The following TMC1 variants were observed in gnomAD, a reference collection of about 807,000 sequenced individuals.
The protein encoded by TMC1 is transmembrane channel-like protein 1.
In TMC1, 84 loss-of-function variants were observed where a neutral mutation model predicts 105.8. The observed-to-expected ratio is 0.79, with a 90% CI of 0.67 to 0.95. The LOEUF is 0.95. Among genes scored for constraint, TMC1 ranks in the 40% least tolerant of loss-of-function variants. TMC1 has a pLI of 0.00. For synonymous variants in TMC1, 315 were observed against 311.5 expected (o/e 1.01, Z -0.12); for missense variants, 817 against 914.1 (o/e 0.89, Z 1.37).
intron 8 of TMC1, among the ~76,000 whole-genome samples, chr9:72,720,581 A>G (rs1550759): frequency 0.23 from 34,531 of 151,994 alleles, 4,223 homozygotes; most frequent in East Asian, 0.38. Flanking sequence ...TACAAGCTCC[A>G]TTGGAATGAA....
intron 1 of TMC1, among the ~76,000 whole-genome samples, chr9:72,576,919 G>A (rs1824392007): frequency 1.3e-5 from 2 of 151,362 alleles, no homozygotes; most frequent in Non-Finnish European, 2.9e-5. Context: ...ATGAGCCACC[G>A]CGCCCGGTGC....
At chr9:72,814,882 C>T (rs974460971) in intron 18 of TMC1, among the ~76,000 whole-genome samples, 2 of 148,710 alleles carry the variant, frequency 1.3e-5, no homozygotes, top group Admixed American at 6.7e-5. Flanking sequence ...AACAGAGGCT[C>T]TCTTGGATCA....
At chr9:72,821,287 A>G (rs533176620) in intron 20 of TMC1, among the ~76,000 whole-genome samples, 1 of 152,234 alleles carries the variant, frequency 6.6e-6, no homozygotes, top group Non-Finnish European at 1.5e-5. Context: ...TGAGGTCAGG[A>G]GTTCGAGACA....
At chr9:72,826,240 C>G (rs1023607073) in intron 20 of TMC1, among the ~76,000 whole-genome samples, 17 of 152,148 alleles carry the variant, frequency 1.1e-4, no homozygotes, top group Admixed American at 3.3e-4. Context: ...TCTCAGTTTT[C>G]TAGTTTATAG....
At chr9:72,698,394 A>G (rs1451502107) in intron 7 of TMC1, among the ~76,000 whole-genome samples, 1 of 151,518 alleles carries the variant, frequency 6.6e-6, no homozygotes, top group Non-Finnish European at 1.5e-5. Context: ...GTGAACTATA[A>G]AACTGTGGAT....
At chr9:72,611,802 A>G (rs1825028667) in intron 2 of TMC1, among the ~76,000 whole-genome samples, 1 of 152,188 alleles carries the variant, frequency 6.6e-6, no homozygotes, top group African/African-American at 2.4e-5. Flanking sequence ...TGAATCGTGG[A>G]TTAGAGAAAA....
Position 72,772,552 on chromosome 9 carries a change from A to G in TMC1, c.881A>G (p.Lys294Arg). Reference sequence around the variant, plus strand: ...GGATACAGCTTTCTGGTTGTCCTCAAAGCGTAAGTTTCATTTGTCTTTTGG... The same window carrying G: ...GGATACAGCTTTCTGGTTGTCCTCAGAGCGTAAGTTTCATTTGTCTTTTGG... The part of the protein sequence containing the change: ...CIGYSFLVVL[K>R]AMTKNIGDDG... The change falls in exon 13 of 24, where the codon AAA (lysine) becomes AGA (arginine). Residue 294 changes from lysine to arginine, a missense_variant. Transcript: ENST00000297784. 1 of 1,613,810 alleles carries G rather than the reference A, an allele frequency of 6.2e-7. No individual in the cohort carries two copies. The highest frequency in any genetic ancestry group is 8.5e-7 in the Non-Finnish European group (1 of 1,179,744).
chr9:72,739,883 G>A (rs1343751710), intron 8 of TMC1, among the ~76,000 whole-genome samples: 2 of 152,162 alleles, frequency 1.3e-5, no homozygotes, highest in Admixed American at 6.5e-5. Flanking sequence ...TTCCCTTTCA[G>A]TGATTCCAGC....
At chr9:72,721,473 C>T (rs1827025061) in intron 8 of TMC1, among the ~76,000 whole-genome samples, 2 of 152,312 alleles carry the variant, frequency 1.3e-5, no homozygotes, top group African/African-American at 4.8e-5. Context: ...TTTTCACCTG[C>T]GTGATGTTCA....
intron 13 of TMC1, among the ~76,000 whole-genome samples, chr9:72,774,719 C>T (rs1827980719): frequency 6.6e-6 from 1 of 152,172 alleles, no homozygotes; most frequent in Non-Finnish European, 1.5e-5. Context: ...ATTGCCCAAA[C>T]AGCAAGACAA....
chr9:72,640,410 C>T (rs1825606661), intron 4 of TMC1, among the ~76,000 whole-genome samples: 1 of 152,130 alleles, frequency 6.6e-6, no homozygotes, highest in Non-Finnish European at 1.5e-5. Flanking sequence ...TCTAAGCTAT[C>T]CAGGCATCAT....
At chr9:72,732,410 C>T (rs1475274185) in intron 8 of TMC1, among the ~76,000 whole-genome samples, 1 of 151,774 alleles carries the variant, frequency 6.6e-6, no homozygotes, top group Non-Finnish European at 1.5e-5. Flanking sequence ...TAAAAATACA[C>T]AAAAACTAGC....
chr9:72,805,190 A>C (rs1828550568), intron 17 of TMC1, 192 bp from the exon 18 acceptor site: 1 of 469,558 alleles, frequency 2.1e-6, no homozygotes, highest in Non-Finnish European at 3.7e-6. Context: ...AACGGGAAAT[A>C]ATTATTTTTT....
At chr9:72,647,306 C>G (rs115076697) in intron 4 of TMC1, among the ~76,000 whole-genome samples, 2 of 151,130 alleles carry the variant, frequency 1.3e-5, no homozygotes, top group Non-Finnish European at 2.9e-5. Flanking sequence ...TCTTCAGTTT[C>G]TTTAGTCTTG....
intron 3 of TMC1, among the ~76,000 whole-genome samples, chr9:72,623,564 T>C (rs1170544020): frequency 6.6e-6 from 1 of 152,150 alleles, no homozygotes; most frequent in African/African-American, 2.4e-5. Context: ...AGGGACAGAA[T>C]GCACAAACTT....
At chr9:72,649,595 A>T (rs568961351) in intron 5 of TMC1, among the ~76,000 whole-genome samples, 9 of 152,202 alleles carry the variant, frequency 5.9e-5, no homozygotes, top group Non-Finnish European at 1.3e-4. Flanking sequence ...CCTGGAGAAC[A>T]TCATTATTGA....
intron 12 of TMC1, among the ~76,000 whole-genome samples, chr9:72,755,124 A>C (rs1827658921): frequency 6.6e-6 from 1 of 151,322 alleles, no homozygotes; most frequent in South Asian, 2.1e-4. Flanking sequence ...GAAAGAAAGA[A>C]AGAAAGAAAG....
intron 5 of TMC1, among the ~76,000 whole-genome samples, chr9:72,684,496 C>A (rs1826343097): frequency 6.6e-6 from 1 of 152,150 alleles, no homozygotes; most frequent in African/African-American, 2.4e-5. Context: ...TTCTCCTGTT[C>A]CTCACCATTT....
intron 17 of TMC1, among the ~76,000 whole-genome samples, chr9:72,796,697 A>C (rs956314776): frequency 1.3e-5 from 2 of 152,234 alleles, no homozygotes; most frequent in African/African-American, 4.8e-5. Flanking sequence ...AACTCTCAAT[A>C]AACTAGGTAT....
Sources: gnomAD v4.1 joint callset for allele counts (sites outside exome capture counted in the v4.1 genomes callset) on GRCh38, gnomAD v4.1.1 for gene constraint, MANE v1.5 for transcripts, NCBI Gene and HGNC (gene_info 2026-07-23, HGNC 2026-07-21) for gene names.